The following OR10A2 variants were observed in gnomAD, a reference collection of about 807,000 sequenced individuals.
OR10A2 encodes olfactory receptor 10A2.
OR10A2 carries 15 observed loss-of-function variants against 13.7 expected under a neutral mutation model. The observed-to-expected ratio is 1.10, with a 90% CI of 0.73 to 1.69. OR10A2 has a LOEUF of 1.69. OR10A2 is among the 40% of genes most tolerant of loss of function. The probability of loss-of-function intolerance (pLI) is 0.00; values close to 1 mark genes in which losing one functional copy is unlikely to be tolerated. For missense variants in OR10A2, 343 were observed against 361.1 expected, an observed-to-expected ratio of 0.95 and a Z score of 0.41; for synonymous variants, 145 against 144.7, an observed-to-expected ratio of 1.00 and a Z score of -0.02.
In OR10A2 at chr11:6,870,947, C is replaced by CTTTTTTTTTT. The variant is rs35120311; in HGVS notation, c.*289_*298dup. The CTTTTTTTTTT allele has an allele frequency of 1.7e-3, 237 of 138,518 alleles. 4 individuals carry two copies. The highest frequency in any genetic ancestry group is 3.8e-3 in the Middle Eastern group (1 of 264). The allele number at this position is 138,518 out of a possible 1,614,324, so 8.6% of individuals were successfully genotyped here. On this transcript the variant is annotated 3_prime_UTR_variant, in exon 2 of 2. Transcript: ENST00000641461. ...CCAACTATTTCCAGGTGTTATATTT[C>CTTTTTTTTTT]TTTTTTTTTTTTTTTTTGAGACGGA...
chr11:6,870,842 AC>A lies in OR10A2; in HGVS notation c.*177del. ...AAGTAGTTTCGACCTAGCACCACCAACTATGAAAACTCCTCTGCCTGCCCAT... is the reference window on the plus strand; with the variant it reads ...AAGTAGTTTCGACCTAGCACCACCAATATGAAAACTCCTCTGCCTGCCCAT... On this transcript the variant is annotated 3_prime_UTR_variant, in exon 2 of 2. Transcript: ENST00000641461. The A allele has an allele frequency of 1.9e-6, 1 of 514,014 alleles. No homozygotes were observed. The highest frequency in any genetic ancestry group is 3.4e-6 in the Non-Finnish European group (1 of 293,256). 31.8% of individuals were successfully genotyped at this position (514,014 alleles called of 1,614,324 possible). A position where few individuals can be genotyped will look rare whatever the true frequency, so the allele number is the denominator to read the frequency against.
In OR10A2 at chr11:6,872,998, T is replaced by C. The variant is rs1848451860; in HGVS notation, c.*2332T>C. 1.4e-5 allele frequency: 2 copies of C among 145,840 alleles called. No homozygotes were observed. Among genetic ancestry groups the C allele is most frequent in the East Asian group, 2.0e-4 (1 of 4,930 alleles). The allele number at this position is 145,840 out of a possible 1,614,324, so 9.0% of individuals were successfully genotyped here. On this transcript the variant is annotated 3_prime_UTR_variant, in exon 2 of 2. Coordinates refer to ENST00000641461, the MANE Select transcript of OR10A2 (RefSeq NM_001004460.2). ...CCATGCCCAACTAATTTTTTTTTTG[T>C]ATTTTTTAGTAGAGATGCAGTTTTA...
chr11:6,870,186 T>A lies in OR10A2; in HGVS notation c.432T>A (p.Thr144=). ...ASWFPGFPVA[T]VQTTWLFSFP... ...GGTTCCCAGGCTTTCCTGTAGCTAC[T>A]GTGCAGACCACATGGCTCTTCAGTT... Residue 144 remains threonine, a synonymous_variant, in exon 2 of 2, where the codon ACT becomes ACA. Transcript: ENST00000641461. The A allele has an allele frequency of 6.2e-7, 1 of 1,614,234 alleles. No homozygotes were observed. The highest frequency in any genetic ancestry group is 8.5e-7 in the Non-Finnish European group (1 of 1,180,036).
rs541205106 is a variant in OR10A2 at position 6,863,172 on chromosome 11, G to A, written c.-312G>A. 3.3e-5 allele frequency: 5 copies of A among 152,304 alleles called. No individual in the cohort carries two copies. Among genetic ancestry groups the A allele is most frequent in the Admixed American group, 6.5e-5 (1 of 15,290 alleles). 9.4% of individuals were successfully genotyped at this position (152,304 alleles called of 1,614,324 possible). A position where few individuals can be genotyped will look rare whatever the true frequency, so the allele number is the denominator to read the frequency against. On this transcript the variant is annotated 5_prime_UTR_variant, in exon 1 of 2. Transcript: ENST00000641461. The stretch of plus-strand genomic sequence containing the variant: ...TGCCTCTGACACACAAGGCAGCAGT[G>A]AGCTGGCTACAGCTCCAGCCATTAA...
chr11:6,869,599 T>G lies in OR10A2; in HGVS notation c.-132-24T>G, dbSNP rs1422799114. On this transcript the variant is annotated intron_variant, in intron 1 of 1. Transcript: ENST00000641461. ...AAGGCACTTCCTCTGCCTGAGGTGC[T>G]GACCTTGCCTCTTTCCCTGACAGTA... 5 of 708,034 alleles carry G rather than the reference T, an allele frequency of 7.1e-6. No homozygotes were observed. In the East Asian group the frequency reaches 7.4e-5, roughly 11 times the overall value. 43.9% of individuals were successfully genotyped at this position (708,034 alleles called of 1,614,324 possible).
Position 6,872,780 on chromosome 11 carries a change from A to G in OR10A2, c.*2114A>G, listed in dbSNP as rs1294954707. The G allele has an allele frequency of 6.6e-6, 1 of 151,540 alleles. No homozygotes were observed. Among genetic ancestry groups the G allele is most frequent in the African/African-American group, 2.4e-5 (1 of 41,036 alleles). 9.4% of individuals were successfully genotyped at this position (151,540 alleles called of 1,614,324 possible). ...TGGGATTATAAGTGTGAGCCATTGC[A>G]TGCAACACAAGTGTTTCTCTTTTCT... On this transcript the variant is annotated 3_prime_UTR_variant, in exon 2 of 2. Coordinates refer to ENST00000641461, the MANE Select transcript of OR10A2 (RefSeq NM_001004460.2).
Position 6,871,724 on chromosome 11 carries a change from C to A in OR10A2, c.*1058C>A. The A allele has an allele frequency of 6.6e-6, 1 of 152,182 alleles. No individual in the cohort carries two copies. The highest frequency in any genetic ancestry group is 2.1e-4 in the South Asian group (1 of 4,830). 9.4% of individuals were successfully genotyped at this position (152,182 alleles called of 1,614,324 possible). On this transcript the variant is annotated 3_prime_UTR_variant, in exon 2 of 2. Coordinates refer to ENST00000641461, the MANE Select transcript of OR10A2 (RefSeq NM_001004460.2). ...AAGCTCCAGAATAAGTCTTCTTTAA[C>A]CACAAGATTTCTCCTTCTTATAATC...
Position 6,870,927 on chromosome 11 carries a change from T to A in OR10A2, c.*261T>A. 3.2e-6 allele frequency: 1 copy of A among 308,798 alleles called. No homozygotes were observed. The highest frequency in any genetic ancestry group is 5.9e-6 in the Non-Finnish European group (1 of 168,340). The allele number at this position is 308,798 out of a possible 1,614,324, so 19.1% of individuals were successfully genotyped here. A position where few individuals can be genotyped will look rare whatever the true frequency, so the allele number is the denominator to read the frequency against. ...GTATGACAGCACTTCTGTGGCCAAC[T>A]ATTTCCAGGTGTTATATTTCTTTTT... On this transcript the variant is annotated 3_prime_UTR_variant, in exon 2 of 2. Transcript: ENST00000641461.
chr11:6,869,833 A>T lies in OR10A2; in HGVS notation c.79A>T (p.Met27Leu). ...TFLTIYLVTL[M>L]GNCLIILVTL... ...TCTAACCATCTACCTGGTCACCCTG[A>T]TGGGAAACTGCCTCATCATTCTGGT... Residue 27 changes from methionine to leucine, a missense_variant, in exon 2 of 2, where the codon ATG becomes TTG. Physicochemically the swap from Met to Leu is conservative, Grantham distance 15 (BLOSUM62 2). Coordinates refer to ENST00000641461, the MANE Select transcript of OR10A2 (RefSeq NM_001004460.2). 1 of 1,614,164 alleles carries T rather than the reference A, an allele frequency of 6.2e-7. No homozygotes were observed. Among genetic ancestry groups the T allele is most frequent in the African/African-American group, 1.3e-5 (1 of 75,032 alleles).
intron 1 of OR10A2, among the ~76,000 whole-genome samples, chr11:6,866,035 C>T (rs1848376320): frequency 6.6e-6 from 1 of 152,314 alleles, no homozygotes; most frequent in Admixed American, 6.5e-5. Flanking sequence ...GTTTTATTCA[C>T]TCAGAATTAT....
At chr11:6,864,329 G>GAA (rs11462351) in intron 1 of OR10A2, among the ~76,000 whole-genome samples, 6 of 151,138 alleles carry the variant, frequency 4.0e-5, no homozygotes, top group African/African-American at 1.2e-4. Context: ...CAGTCATTGA[G>GAA]AAAAAAAAAT....
chr11:6,871,534 A>T lies in OR10A2; in HGVS notation c.*868A>T, dbSNP rs1398409151. 1 of 152,232 alleles carries T rather than the reference A, an allele frequency of 6.6e-6. No individual in the cohort carries two copies. The highest frequency in any genetic ancestry group is 2.4e-5 in the African/African-American group (1 of 41,460). The allele number at this position is 152,232 out of a possible 1,614,324, so 9.4% of individuals were successfully genotyped here. Reference sequence around the variant, plus strand: ...ATGTATGAGAGTAGATCAAAAGTTCACATGCATATGCCTTTATAACCCCAA... The same window carrying T: ...ATGTATGAGAGTAGATCAAAAGTTCTCATGCATATGCCTTTATAACCCCAA... On this transcript the variant is annotated 3_prime_UTR_variant, in exon 2 of 2. Coordinates refer to ENST00000641461, the MANE Select transcript of OR10A2 (RefSeq NM_001004460.2).
At position 6,870,902 on chromosome 11, in the gene OR10A2, G is replaced by A. The variant is rs1374456778; in HGVS notation, c.*236G>A. On this transcript the variant is annotated 3_prime_UTR_variant, in exon 2 of 2. Coordinates refer to ENST00000641461, the MANE Select transcript of OR10A2 (RefSeq NM_001004460.2). ...TACATTGTTTTCCTTGTTTCAACTG[G>A]TATGACAGCACTTCTGTGGCCAACT... The A allele has an allele frequency of 5.2e-6, 2 of 386,048 alleles. No individual in the cohort carries two copies. Among genetic ancestry groups the A allele is most frequent in the Non-Finnish European group, 9.2e-6 (2 of 216,646 alleles). 23.9% of individuals were successfully genotyped at this position (386,048 alleles called of 1,614,324 possible).
chr11:6,864,296 C>T (rs888325258), intron 1 of OR10A2, among the ~76,000 whole-genome samples: 13 of 128,838 alleles, frequency 1.0e-4, no homozygotes, highest in Middle Eastern at 3.5e-3. Flanking sequence ...AGTTAAAGTG[C>T]GGTTCTAACA....
Position 6,870,309 on chromosome 11 carries a change from C to T in OR10A2, c.555C>T (p.Tyr185=), listed in dbSNP as rs7117744. The change falls in exon 2 of 2, where the codon TAC becomes TAT. Residue 185 remains tyrosine, a synonymous_variant. Coordinates refer to ENST00000641461, the MANE Select transcript of OR10A2 (RefSeq NM_001004460.2). Reference sequence around the variant, plus strand: ...CAGACACAGCACTCTTTGAGATCTACGCCATCGTCGGAACCATTCTGGTGG... The same window carrying T: ...CAGACACAGCACTCTTTGAGATCTATGCCATCGTCGGAACCATTCTGGTGG... ...VCADTALFEI[Y]AIVGTILVVM... is the part of the protein sequence containing the mutation. 4.4e-3 allele frequency: 7,147 copies of T among 1,614,134 alleles called. 215 individuals carry two copies. In the African/African-American group the frequency reaches 0.073, roughly 16 times the overall value.
chr11:6,863,952 A>G (rs1260811038), intron 1 of OR10A2, among the ~76,000 whole-genome samples: 1 of 152,218 alleles, frequency 6.6e-6, no homozygotes, highest in African/African-American at 2.4e-5. Flanking sequence ...TTGTTAAAAC[A>G]TTATAAGATT....
rs1357916687 is a variant in OR10A2 at position 6,873,347 on chromosome 11, T to A, written c.*2681T>A. On this transcript the variant is annotated 3_prime_UTR_variant, in exon 2 of 2. Transcript: ENST00000641461. ...GTTGCCACAGTAGATATTTAAAATA[T>A]ACAACAACAGTAGAATGAAAATACC... 6.6e-6 allele frequency: 1 copy of A among 152,248 alleles called. No homozygotes were observed. The highest frequency in any genetic ancestry group is 2.4e-5 in the African/African-American group (1 of 41,462). The allele number at this position is 152,248 out of a possible 1,614,324, so 9.4% of individuals were successfully genotyped here. A position where few individuals can be genotyped will look rare whatever the true frequency, so the allele number is the denominator to read the frequency against.
In OR10A2 at chr11:6,870,199, T is replaced by C. The variant is rs757420553; in HGVS notation, c.445T>C (p.Trp149Arg). 18 of 1,614,248 alleles carry C rather than the reference T, an allele frequency of 1.1e-5. No individual in the cohort carries two copies. The highest frequency in any genetic ancestry group is 1.4e-5 in the Non-Finnish European group (17 of 1,180,052). Residue 149 changes from tryptophan to arginine, a missense_variant, in exon 2 of 2, where the codon TGG becomes CGG. Coordinates refer to ENST00000641461, the MANE Select transcript of OR10A2 (RefSeq NM_001004460.2). ...TCCTGTAGCTACTGTGCAGACCACA[T>C]GGCTCTTCAGTTTTCCATTCTGTGG... The part of the protein sequence containing the change: ...GFPVATVQTT[W>R]LFSFPFCGTN...
rs995043925 is a variant in OR10A2 at position 6,871,845 on chromosome 11, G to C, written c.*1179G>C. The C allele has an allele frequency of 3.3e-5, 5 of 152,080 alleles. No individual in the cohort carries two copies. Among genetic ancestry groups the C allele is most frequent in the Non-Finnish European group, 5.9e-5 (4 of 68,012 alleles). 9.4% of individuals were successfully genotyped at this position (152,080 alleles called of 1,614,324 possible). A position where few individuals can be genotyped will look rare whatever the true frequency, so the allele number is the denominator to read the frequency against. Reference sequence around the variant, plus strand: ...AAATAATGGACTTATCCATATATCTGTTTTTATATTTTTGCTAGTGTACCT... The same window carrying C: ...AAATAATGGACTTATCCATATATCTCTTTTTATATTTTTGCTAGTGTACCT... On this transcript the variant is annotated 3_prime_UTR_variant, in exon 2 of 2. Transcript: ENST00000641461.
Sources: allele counts gnomAD v4.1 joint callset (sites outside exome capture counted in the v4.1 genomes callset), GRCh38; gene constraint gnomAD v4.1.1; transcripts MANE v1.5; gene names NCBI Gene and HGNC (gene_info 2026-07-23, HGNC 2026-07-21).